PLCH1: variants seen among roughly 807,000 people sequenced by gnomAD.
PLCH1 encodes the protein 1-phosphatidylinositol 4,5-bisphosphate phosphodiesterase eta-1.
A neutral mutation model predicts 126.7 loss-of-function variants in PLCH1; 60 were observed. The ratio of observed to expected loss-of-function variants is 0.47; its 90% CI spans 0.38 to 0.59. The LOEUF (loss-of-function observed/expected upper bound fraction) is 0.59, where lower values mean the gene tolerates loss of function less well. PLCH1 is among the 20% of genes least tolerant of loss of function. PLCH1 has a pLI of 0.00. For synonymous variants in PLCH1, 719 were observed against 734.9 expected (o/e 0.98, Z 0.35); for missense variants, 1,723 against 2,040.0 (o/e 0.84, Z 2.99).
chr3:155,481,682 C>A lies in PLCH1; in HGVS notation c.4344G>T (p.Gln1448His). Residue 1448 changes from glutamine (Q) to histidine (H), a missense_variant, in exon 23 of 23, where the codon CAG becomes CAT. This residue lies in a region of PLCH1 where 947 missense variants were observed against 977.1 expected (regional missense o/e 0.97). Transcript: ENST00000460012. The surrounding 1 kb of genome is among the most constrained non-coding windows in gnomAD (Gnocchi z 4.2). ...CACTAGATTGCTGGGGCACACAGGTCTGGAACATTTTTGCATCTGAATCTG... is the reference window on the plus strand; with the variant it reads ...CACTAGATTGCTGGGGCACACAGGTATGGAACATTTTTGCATCTGAATCTG... ...HFSDSDAKMF[Q>H]TCVPQQSSAQ... The A allele has an allele frequency of 6.2e-7, 1 of 1,614,126 alleles. No individual in the cohort carries two copies. The highest frequency in any genetic ancestry group is 1.1e-5 in the South Asian group (1 of 91,072).
At chr3:155,698,233 C>T (rs1745982872) in intron 2 of PLCH1, among the ~76,000 whole-genome samples, 1 of 152,062 alleles carries the variant, frequency 6.6e-6, no homozygotes, top group African/African-American at 2.4e-5. Context: ...AAATGGAATG[C>T]TCATCATAAA....
chr3:155,682,896 G>A (rs358897), intron 2 of PLCH1, among the ~76,000 whole-genome samples: 30,707 of 152,162 alleles, frequency 0.2, 3,483 homozygotes, highest in East Asian at 0.45. Context: ...AATGCTTGCT[G>A]AATAAATGCT....
At chr3:155,584,323 G>A (rs1367358539) in intron 5 of PLCH1, among the ~76,000 whole-genome samples, 1 of 152,140 alleles carries the variant, frequency 6.6e-6, no homozygotes, top group Non-Finnish European at 1.5e-5. Context: ...CCAATCAAAT[G>A]TAATTTTTAC....
intron 2 of PLCH1, among the ~76,000 whole-genome samples, chr3:155,629,930 C>T (rs1297033710): frequency 6.6e-6 from 1 of 152,156 alleles, no homozygotes; most frequent in Non-Finnish European, 1.5e-5. Context: ...TTTTTATATT[C>T]AGGTGAAGAT....
chr3:155,653,318 T>C (rs1740972317), intron 2 of PLCH1, among the ~76,000 whole-genome samples: 1 of 152,224 alleles, frequency 6.6e-6, no homozygotes, highest in East Asian at 1.9e-4. Flanking sequence ...ACACCTGACT[T>C]GACCACCTAG....
intron 10 of PLCH1, among the ~76,000 whole-genome samples, chr3:155,530,459 G>C (rs1461301863): frequency 6.6e-6 from 1 of 151,950 alleles, no homozygotes; most frequent in Non-Finnish European, 1.5e-5. Flanking sequence ...TGGGACTACA[G>C]GTGCCTGCCA....
intron 2 of PLCH1, among the ~76,000 whole-genome samples, chr3:155,607,435 A>G (rs1365454881): frequency 1.3e-5 from 2 of 152,182 alleles, no homozygotes; most frequent in Non-Finnish European, 2.9e-5. Context: ...TTTGGTAAAT[A>G]AATACAATGT....
chr3:155,630,003 AT>A (rs1165702534), intron 2 of PLCH1, among the ~76,000 whole-genome samples: 3 of 152,242 alleles, frequency 2.0e-5, no homozygotes, highest in African/African-American at 7.2e-5. Flanking sequence ...GTTAACTACT[AT>A]TAACAGTCAT....
intron 9 of PLCH1, among the ~76,000 whole-genome samples, chr3:155,551,320 C>T (rs148077646): frequency 1.1e-3 from 173 of 151,702 alleles, no homozygotes; most frequent in African/African-American, 4.0e-3. Flanking sequence ...TGGCACGTGC[C>T]GGTAATCCCA....
chr3:155,712,148 A>G (rs1450630018), intron 1 of PLCH1, among the ~76,000 whole-genome samples: 2 of 152,174 alleles, frequency 1.3e-5, no homozygotes, highest in Non-Finnish European at 2.9e-5. Context: ...TGTAAAGAGG[A>G]CCCATCTGGC....
At chr3:155,726,353 G>A (rs1015632730) in intron 1 of PLCH1, among the ~76,000 whole-genome samples, 1 of 152,132 alleles carries the variant, frequency 6.6e-6, no homozygotes, top group Non-Finnish European at 1.5e-5. Flanking sequence ...AATGAAAATA[G>A]AATCCTAGGG....
chr3:155,524,079 C>T, intron 10 of PLCH1, 75 bp from the exon 11 acceptor site: 1 of 869,598 alleles, frequency 1.1e-6, no homozygotes, highest in Non-Finnish European at 1.9e-6. Flanking sequence ...GTAACCCAAG[C>T]ATCCATTGAT....
intron 1 of PLCH1, among the ~76,000 whole-genome samples, chr3:155,713,280 A>G (rs971726605): frequency 8.5e-5 from 13 of 152,212 alleles, no homozygotes; most frequent in Non-Finnish European, 1.8e-4. Context: ...GGAGGAGACA[A>G]CTAAATGAAA....
At position 155,549,893 on chromosome 3, in the gene PLCH1, T is replaced by C. The variant is rs1166957431; in HGVS notation, c.1256A>G (p.Tyr419Cys). 3.7e-6 allele frequency: 6 copies of C among 1,613,200 alleles called. No individual in the cohort carries two copies. The highest frequency in any genetic ancestry group is 5.1e-6 in the Non-Finnish European group (6 of 1,179,266). Residue 419 changes from tyrosine to cysteine, a missense_variant, in exon 10 of 23, where the codon TAC becomes TGC. Tyr to Cys is a radical substitution (Grantham distance 194). Coordinates refer to ENST00000460012, the MANE Select transcript of PLCH1 (RefSeq NM_014996.4). ...TTTGTCTCCGAATATTCCTTTCAGGTACTGAGCAATCTTCCTTTGCTGCTG... is the reference window on the plus strand; with the variant it reads ...TTTGTCTCCGAATATTCCTTTCAGGCACTGAGCAATCTTCCTTTGCTGCTG... ...SIQQQRKIAQ[Y>C]LKGIFGDKLD...
At chr3:155,621,043 G>A (rs1250701280) in intron 2 of PLCH1, among the ~76,000 whole-genome samples, 2 of 152,230 alleles carry the variant, frequency 1.3e-5, no homozygotes, top group East Asian at 3.9e-4. Context: ...TGCCCCTCTG[G>A]GACAAAGCTT....
At chr3:155,688,066 T>C (rs577177854) in intron 2 of PLCH1, among the ~76,000 whole-genome samples, 1 of 152,206 alleles carries the variant, frequency 6.6e-6, no homozygotes. Flanking sequence ...TTAATAATCA[T>C]TTTTACCTAT....
chr3:155,576,163 T>C (rs1202137441), intron 6 of PLCH1, among the ~76,000 whole-genome samples: 2 of 151,664 alleles, frequency 1.3e-5, no homozygotes, highest in African/African-American at 4.8e-5. Context: ...AAGAAATGGA[T>C]AGGAACTCTG....
At chr3:155,540,553 CAAAT>C (rs1251587810) in intron 10 of PLCH1, among the ~76,000 whole-genome samples, 3 of 151,938 alleles carry the variant, frequency 2.0e-5, no homozygotes, top group Non-Finnish European at 2.9e-5. Flanking sequence ...AAGAAAAAGA[CAAAT>C]AATACCATCA....
intron 1 of PLCH1, among the ~76,000 whole-genome samples, chr3:155,736,577 C>A (rs1413558024): frequency 6.6e-6 from 1 of 152,188 alleles, no homozygotes; most frequent in Non-Finnish European, 1.5e-5. Context: ...AGTCTGATTC[C>A]CACCGGTCCC....
Sources: gnomAD v4.1 joint callset for allele counts (sites outside exome capture counted in the v4.1 genomes callset) on GRCh38, gnomAD v4.1.1 for gene constraint, gnomAD v4.1.1 regional missense constraint, Gnocchi (gnomAD v3.1) non-coding constraint, MANE v1.5 for transcripts, NCBI Gene and HGNC (gene_info 2026-07-23, HGNC 2026-07-21) for gene names.